Variants in PTPRD observed in about 807,000 individuals in gnomAD.
PTPRD encodes the protein protein tyrosine phosphatase receptor type D.
Under a neutral mutation model 214.5 loss-of-function variants are expected in PTPRD, and 34 were observed. The observed-to-expected ratio is 0.16, with a 90% confidence interval of 0.12 to 0.21. The LOEUF (loss-of-function observed/expected upper bound fraction) is 0.21, where lower values mean the gene tolerates loss of function less well. Ranked by LOEUF, PTPRD falls within the 10% of genes least tolerant of loss-of-function variation. The pLI is 1.00. For synonymous variants in PTPRD, 1,128 were observed against 845.7 expected (o/e 1.33, Z -5.79); for missense variants, 2,545 against 2,398.7 (o/e 1.06, Z -1.27).
intron 8 of PTPRD, among the ~76,000 whole-genome samples, chr9:9,422,339 G>A (rs1416337386): frequency 1.3e-5 from 2 of 152,228 alleles, no homozygotes; most frequent in South Asian, 2.1e-4. Context: ...GGGGTGTGAA[G>A]TGAAAATCAA....
At chr9:10,200,153 C>A (rs576005045) in intron 3 of PTPRD, among the ~76,000 whole-genome samples, 4 of 152,142 alleles carry the variant, frequency 2.6e-5, no homozygotes, top group Non-Finnish European at 4.4e-5. Flanking sequence ...CTTTTACCTC[C>A]CTCTTGTTTC....
intron 9 of PTPRD, among the ~76,000 whole-genome samples, chr9:9,267,594 C>A (rs1257521080): frequency 2.0e-5 from 3 of 151,078 alleles, no homozygotes; most frequent in Non-Finnish European, 4.4e-5. Context: ...AAATTACAAG[C>A]CAATATCCCT....
chr9:9,199,612 T>G (rs139410588), intron 9 of PTPRD, among the ~76,000 whole-genome samples: 1 of 152,104 alleles, frequency 6.6e-6, no homozygotes, highest in Non-Finnish European at 1.5e-5. Flanking sequence ...TAGCCACAGA[T>G]CACCATATTT....
chr9:10,479,654 T>TAAACAAAC (rs879309037), intron 2 of PTPRD, among the ~76,000 whole-genome samples: 55 of 64,208 alleles, frequency 8.6e-4, no homozygotes, highest in Admixed American at 2.5e-3. Flanking sequence ...AATAAATAAA[T>TAAACAAAC]AAATAAACAA....
intron 11 of PTPRD, among the ~76,000 whole-genome samples, chr9:8,940,708 A>G (rs1014631842): frequency 1.3e-5 from 2 of 151,646 alleles, no homozygotes; most frequent in Admixed American, 6.6e-5. Flanking sequence ...GGTTGGAGAC[A>G]CTCTCCATCT....
intron 11 of PTPRD, among the ~76,000 whole-genome samples, chr9:8,825,918 C>T (rs2097166350): frequency 6.6e-6 from 1 of 152,100 alleles, no homozygotes; most frequent in African/African-American, 2.4e-5. Context: ...TGGGTTTTGG[C>T]CAGCTCCTAC....
intron 3 of PTPRD, among the ~76,000 whole-genome samples, chr9:10,323,247 CCCCTT>C (rs1161455382): frequency 5.1e-5 from 2 of 39,554 alleles, no homozygotes; most frequent in Non-Finnish European, 4.7e-5. Flanking sequence ...CCCCTCCCCT[CCCCTT>C]CCCTTCTCTC....
At chr9:8,729,671 C>T (rs575164272) in intron 12 of PTPRD, among the ~76,000 whole-genome samples, 3 of 152,232 alleles carry the variant, frequency 2.0e-5, no homozygotes, top group African/African-American at 4.8e-5. Flanking sequence ...AAAACTGAAG[C>T]AAAGAGCAAG....
At chr9:8,617,597 T>C (rs1435033602) in intron 14 of PTPRD, among the ~76,000 whole-genome samples, 2 of 152,146 alleles carry the variant, frequency 1.3e-5, no homozygotes, top group African/African-American at 4.8e-5. Flanking sequence ...GGATAAGCAA[T>C]ACTGATTTCA....
chr9:8,747,839 G>A (rs991619018), intron 11 of PTPRD, among the ~76,000 whole-genome samples: 6 of 152,174 alleles, frequency 3.9e-5, no homozygotes, highest in Admixed American at 2.0e-4. Flanking sequence ...AAACTATCAA[G>A]CAGATAGTCA....
At chr9:10,018,829 G>C (rs1246433658) in intron 4 of PTPRD, among the ~76,000 whole-genome samples, 1 of 152,000 alleles carries the variant, frequency 6.6e-6, no homozygotes, top group Non-Finnish European at 1.5e-5. Context: ...GATTACAGGC[G>C]TGAGCCACCG....
intron 9 of PTPRD, among the ~76,000 whole-genome samples, chr9:9,310,317 G>A (rs528091982): frequency 2.0e-5 from 3 of 152,236 alleles, no homozygotes; most frequent in South Asian, 2.1e-4. Flanking sequence ...ACCTTGCAGT[G>A]CTGAGACTTT....
At chr9:8,780,883 C>T (rs970153994) in intron 11 of PTPRD, among the ~76,000 whole-genome samples, 1 of 152,202 alleles carries the variant, frequency 6.6e-6, no homozygotes, top group East Asian at 1.9e-4. Context: ...CGTTTGCTTA[C>T]AGTATCTCCA....
intron 3 of PTPRD, among the ~76,000 whole-genome samples, chr9:10,190,718 CAAAAAAAAA>C (rs57891244): frequency 0.042 from 1,859 of 44,292 alleles, 60 homozygotes; most frequent in African/African-American, 0.14. Context: ...AACTCTGTCT[CAAAAAAAAA>C]AAAAAAAAAA....
intron 27 of PTPRD, among the ~76,000 whole-genome samples, chr9:8,490,998 C>G (rs903084458): frequency 6.6e-6 from 1 of 152,168 alleles, no homozygotes; most frequent in African/African-American, 2.4e-5. Context: ...ATTTTTAATA[C>G]AGTAGACAAA....
intron 44 of PTPRD, among the ~76,000 whole-genome samples, chr9:8,321,629 T>C (rs1240408434): frequency 1.3e-5 from 2 of 150,854 alleles, no homozygotes; most frequent in African/African-American, 2.4e-5. Flanking sequence ...CACATTTATG[T>C]ACCTATACAT....
rs139319912 is a variant in PTPRD at position 8,486,393 on chromosome 9, G to A, written c.2468-44C>T. On this transcript the variant is annotated intron_variant, in intron 27 of 45. Coordinates refer to ENST00000381196, the MANE Select transcript of PTPRD (RefSeq NM_002839.4). ...AGTGGTAAGACCAACCAATCTGAAC[G>A]TTCACATTTCAGTCATTGCCAAATG... The A allele has an allele frequency of 1.8e-4, 274 of 1,511,586 alleles. No individual in the cohort carries two copies. The African/African-American group carries it at 2.8e-3, about 16-fold the overall frequency. The allele number at this position is 1,511,586 out of a possible 1,614,324, so 93.6% of individuals were successfully genotyped here. A position where few individuals can be genotyped will look rare whatever the true frequency, so the allele number is the denominator to read the frequency against.
chr9:10,254,353 T>C (rs2093057665), intron 3 of PTPRD, among the ~76,000 whole-genome samples: 2 of 152,208 alleles, frequency 1.3e-5, no homozygotes, highest in Non-Finnish European at 1.5e-5. Context: ...TAATAAACAA[T>C]ATGAATTACA....
chr9:8,377,834 T>C (rs2083718715), intron 37 of PTPRD, among the ~76,000 whole-genome samples: 1 of 152,136 alleles, frequency 6.6e-6, no homozygotes, highest in Admixed American at 6.6e-5. Context: ...TTTGCTTTTA[T>C]GTTTAATATG....
Sources: allele counts gnomAD v4.1 joint callset (sites outside exome capture counted in the v4.1 genomes callset), GRCh38; gene constraint gnomAD v4.1.1; transcripts MANE v1.5; gene names NCBI Gene and HGNC (gene_info 2026-07-23, HGNC 2026-07-21).